The following SCFD2 variants were observed in gnomAD, a reference collection of about 807,000 sequenced individuals.
SCFD2 encodes the protein sec1 family domain-containing protein 2.
Under a neutral mutation model 58.9 loss-of-function variants are expected in SCFD2, and 54 were observed. The observed-to-expected ratio is 0.92, with a 90% CI of 0.74 to 1.15. SCFD2 has a LOEUF of 1.15. Among genes scored for constraint, SCFD2 ranks in the 50% most tolerant of loss-of-function variants. The pLI, the probability that SCFD2 is intolerant of heterozygous loss-of-function variation, is 0.00. For missense variants in SCFD2, 805 were observed against 836.6 expected, an observed-to-expected ratio of 0.96 and a Z score of 0.47; for synonymous variants, 321 against 335.9, an observed-to-expected ratio of 0.96 and a Z score of 0.49.
At chr4:53,161,135 C>T (rs1392513322) in intron 4 of SCFD2, among the ~76,000 whole-genome samples, 1 of 151,978 alleles carries the variant, frequency 6.6e-6, no homozygotes, top group Non-Finnish European at 1.5e-5. Flanking sequence ...TTCAGAAGTC[C>T]CTACTCCTTA....
chr4:53,322,018 T>C (rs928341645), intron 2 of SCFD2, among the ~76,000 whole-genome samples: 6 of 152,158 alleles, frequency 3.9e-5, no homozygotes, highest in African/African-American at 1.4e-4. Context: ...AAACAGAGAT[T>C]GAGAACTTTG....
At chr4:53,145,094 G>A (rs1577773817) in intron 5 of SCFD2, among the ~76,000 whole-genome samples, 2 of 152,132 alleles carry the variant, frequency 1.3e-5, no homozygotes, top group East Asian at 3.9e-4. Flanking sequence ...CTGATGATGT[G>A]AGGTGGAACG....
intron 6 of SCFD2, among the ~76,000 whole-genome samples, chr4:52,908,023 T>G (rs922861894): frequency 6.6e-6 from 1 of 152,202 alleles, no homozygotes; most frequent in Non-Finnish European, 1.5e-5. Context: ...ACTCCAATGT[T>G]ATTTACAATG....
chr4:53,352,870 T>C, intron 1 of SCFD2, 104 bp from the exon 2 acceptor site: 1 of 1,015,898 alleles, frequency 9.8e-7, no homozygotes, highest in Non-Finnish European at 1.5e-6. Flanking sequence ...CATACATTTT[T>C]AGTTTCTGTT....
At chr4:53,326,952 T>G (rs148141123) in intron 2 of SCFD2, among the ~76,000 whole-genome samples, 2 of 151,014 alleles carry the variant, frequency 1.3e-5, no homozygotes, top group African/African-American at 4.9e-5. Context: ...ACTGATCACT[T>G]AAGTTTAACA....
intron 5 of SCFD2, among the ~76,000 whole-genome samples, chr4:52,963,639 A>C (rs958771586): frequency 6.6e-6 from 1 of 152,224 alleles, no homozygotes; most frequent in Non-Finnish European, 1.5e-5. Flanking sequence ...CCATCAAATG[A>C]ACTCAAATTC....
At chr4:53,186,278 C>T (rs28467481) in intron 4 of SCFD2, among the ~76,000 whole-genome samples, 31,651 of 152,016 alleles carry the variant, frequency 0.21, 3,703 homozygotes, top group Non-Finnish European at 0.28. Context: ...TTCTACCTCC[C>T]CCTTTTCCCA....
chr4:53,266,362 C>G (rs1730983421), intron 4 of SCFD2, among the ~76,000 whole-genome samples: 4 of 152,074 alleles, frequency 2.6e-5, no homozygotes, highest in Non-Finnish European at 2.9e-5. Context: ...CACATATAGT[C>G]TCACTCAATC....
At chr4:52,963,740 C>G (rs569064851) in intron 5 of SCFD2, among the ~76,000 whole-genome samples, 1 of 152,246 alleles carries the variant, frequency 6.6e-6, no homozygotes, top group East Asian at 1.9e-4. Flanking sequence ...ATTTGGTGAG[C>G]AACAGCCTAC....
chr4:53,208,266 C>T (rs1389946529), intron 4 of SCFD2, among the ~76,000 whole-genome samples: 1 of 152,028 alleles, frequency 6.6e-6, no homozygotes, highest in South Asian at 2.1e-4. Context: ...CACCACACCT[C>T]GCCAGGTACT....
chr4:53,119,037 T>C (rs1438002127), intron 5 of SCFD2, among the ~76,000 whole-genome samples: 1 of 151,988 alleles, frequency 6.6e-6, no homozygotes, highest in Non-Finnish European at 1.5e-5. Flanking sequence ...CAAGTTTCTG[T>C]CTGGGCACGG....
chr4:52,912,764 T>G (rs2109476799), intron 6 of SCFD2, among the ~76,000 whole-genome samples: 1 of 152,344 alleles, frequency 6.6e-6, no homozygotes, highest in South Asian at 2.1e-4. Flanking sequence ...TAGAATGAAC[T>G]GCTTGGCAAT....
intron 3 of SCFD2, among the ~76,000 whole-genome samples, chr4:53,297,981 G>A (rs551153613): frequency 1.2e-4 from 19 of 152,026 alleles, no homozygotes; most frequent in South Asian, 2.1e-4. Flanking sequence ...CAAGATGGCC[G>A]AATAGGAACA....
intron 4 of SCFD2, among the ~76,000 whole-genome samples, chr4:53,198,376 T>A (rs1309612590): frequency 2.0e-5 from 3 of 152,020 alleles, no homozygotes; most frequent in Non-Finnish European, 2.9e-5. Context: ...AGGATTTTTT[T>A]AAATCTAATA....
chr4:53,261,624 C>G (rs572172083), intron 4 of SCFD2, among the ~76,000 whole-genome samples: 2 of 152,068 alleles, frequency 1.3e-5, no homozygotes, highest in Non-Finnish European at 2.9e-5. Context: ...TTTACTGAGA[C>G]TTGTTTTGTG....
At chr4:53,062,383 T>TACAATA (rs1285002912) in intron 5 of SCFD2, among the ~76,000 whole-genome samples, 32 of 118,458 alleles carry the variant, frequency 2.7e-4, no homozygotes, top group African/African-American at 1.1e-3. Flanking sequence ...AAAAAATACG[T>TACAATA]ACAATAACAA....
At chr4:53,125,826 G>A (rs1439071447) in intron 5 of SCFD2, among the ~76,000 whole-genome samples, 4 of 152,206 alleles carry the variant, frequency 2.6e-5, no homozygotes, top group African/African-American at 9.7e-5. Flanking sequence ...AAAGGGAGGG[G>A]GTAGATATGG....
intron 5 of SCFD2, among the ~76,000 whole-genome samples, chr4:52,938,858 C>T (rs1311687398): frequency 6.6e-6 from 1 of 152,120 alleles, no homozygotes; most frequent in Non-Finnish European, 1.5e-5. Flanking sequence ...CAGCAATATA[C>T]CAGTTCTCCT....
intron 4 of SCFD2, among the ~76,000 whole-genome samples, chr4:53,251,306 A>G (rs1730368550): frequency 6.6e-6 from 1 of 152,120 alleles, no homozygotes; most frequent in East Asian, 1.9e-4. Context: ...CCAGAGGTAC[A>G]AGGAGGAACT....
Sources: gnomAD v4.1 joint callset for allele counts (sites outside exome capture counted in the v4.1 genomes callset) on GRCh38, gnomAD v4.1.1 for gene constraint, MANE v1.5 for transcripts, NCBI Gene and HGNC (gene_info 2026-07-23, HGNC 2026-07-21) for gene names.